PCDHA4: variants seen among roughly 807,000 people sequenced by gnomAD.
The protein encoded by PCDHA4 is protocadherin alpha 4.
PCDHA4 carries 49 observed loss-of-function variants against 61.4 expected under a neutral mutation model. The ratio of observed to expected loss-of-function variants is 0.80; its 90% CI spans 0.63 to 1.01. The LOEUF (loss-of-function observed/expected upper bound fraction) is 1.01, where lower values mean the gene tolerates loss of function less well. Among genes scored for constraint, PCDHA4 ranks in the 50% least tolerant of loss-of-function variants. PCDHA4 has a pLI of 0.00. For synonymous variants in PCDHA4, 590 were observed against 550.3 expected (o/e 1.07, Z -1.01); for missense variants, 1,254 against 1,235.8 (o/e 1.01, Z -0.22).
In PCDHA4 at chr5:140,876,419, A is replaced by G. The variant is rs2056334313; in HGVS notation, c.2385+66847A>G. On this transcript the variant is annotated intron_variant, in intron 1 of 3. Coordinates refer to ENST00000530339, the MANE Select transcript of PCDHA4 (RefSeq NM_018907.4). Reference sequence around the variant, plus strand: ...CTGGATTTTGAAGAGAATAATGCCTATGAAATTCAGGTTAACGCCATTGAT... The same window carrying G: ...CTGGATTTTGAAGAGAATAATGCCTGTGAAATTCAGGTTAACGCCATTGAT... 2.5e-6 allele frequency: 4 copies of G among 1,613,984 alleles called. No homozygotes were observed. In the East Asian group the frequency reaches 6.7e-5, roughly 27 times the overall value.
At chr5:140,893,488 C>G (rs2064010316) in intron 1 of PCDHA4, among the ~76,000 whole-genome samples, 1 of 151,368 alleles carries the variant, frequency 6.6e-6, no homozygotes, top group Non-Finnish European at 1.5e-5. Flanking sequence ...CCCTGTTCTT[C>G]ACAAAAAAGA....
At chr5:140,960,063 T>G (rs1461377026) in intron 1 of PCDHA4, among the ~76,000 whole-genome samples, 1 of 152,232 alleles carries the variant, frequency 6.6e-6, no homozygotes, top group Non-Finnish European at 1.5e-5. Flanking sequence ...GTACAGAAGA[T>G]TCAATTGAAG....
At chr5:140,846,453 C>G (rs1465090766) in intron 1 of PCDHA4, among the ~76,000 whole-genome samples, 2 of 138,248 alleles carry the variant, frequency 1.4e-5, no homozygotes, top group Non-Finnish European at 3.1e-5. Flanking sequence ...CGGCTCACTG[C>G]AACCTCTGCC....
rs1192549493 is a variant in PCDHA4, at chr5:140,824,420, T to A, written c.2385+14848T>A. ...AATAATTGTAAGACATAGTTTGGAG[T>A]CATTCTCAAAGTTTCAGTTTATGAC... On this transcript the variant is annotated intron_variant, in intron 1 of 3. Transcript: ENST00000530339. The A allele has an allele frequency of 2.3e-5, 12 of 510,878 alleles. No individual in the cohort carries two copies. The South Asian group carries it at 3.4e-4, about 14-fold the overall frequency. The allele number at this position is 510,878 out of a possible 1,614,324, so 31.6% of individuals were successfully genotyped here.
intron 1 of PCDHA4, among the ~76,000 whole-genome samples, chr5:140,846,373 C>CTTTTTTTTTTTTTTTTT (rs374699051): frequency 1.8e-5 from 1 of 55,150 alleles, no homozygotes. Flanking sequence ...TTCTTTCTTT[C>CTTTTTTTTTTTTTTTTT]TTTTTTTTTT....
chr5:140,924,132 T>C (rs1417924703), intron 1 of PCDHA4, among the ~76,000 whole-genome samples: 1 of 152,246 alleles, frequency 6.6e-6, no homozygotes, highest in East Asian at 1.9e-4. Flanking sequence ...TTAGCAGCAT[T>C]AATTTAAAAT....
intron 1 of PCDHA4, among the ~76,000 whole-genome samples, chr5:140,872,191 T>A (rs1168972133): frequency 1.3e-5 from 2 of 152,162 alleles, no homozygotes; most frequent in Non-Finnish European, 1.5e-5. Flanking sequence ...GTGTTAAACG[T>A]TCATCATAAA....
chr5:140,848,437 A>G lies in PCDHA4; in HGVS notation c.2385+38865A>G. ...AGCAGAATGGGACTGACGAAATCAGATGATTTCTTCTAATTTGGAGGCAAT... is the reference window on the plus strand; with the variant it reads ...AGCAGAATGGGACTGACGAAATCAGGTGATTTCTTCTAATTTGGAGGCAAT... On this transcript the variant is annotated intron_variant, in intron 1 of 3. Transcript: ENST00000530339. 4 of 1,473,718 alleles carry G rather than the reference A, an allele frequency of 2.7e-6. 1 individual carries two copies. Among genetic ancestry groups the G allele is most frequent in the Admixed American group, 1.9e-5 (1 of 52,040 alleles). 91.3% of individuals were successfully genotyped at this position (1,473,718 alleles called of 1,614,324 possible). A position where few individuals can be genotyped will look rare whatever the true frequency, so the allele number is the denominator to read the frequency against.
chr5:140,822,453 G>A, intron 1 of PCDHA4: 1 of 1,613,866 alleles, frequency 6.2e-7, no homozygotes, highest in South Asian at 1.1e-5. Flanking sequence ...GTACAGTTCA[G>A]TTGTTGATCA....
chr5:140,856,105 C>T (rs1287720041), intron 1 of PCDHA4: 2 of 1,598,000 alleles, frequency 1.3e-6, no homozygotes, highest in Non-Finnish European at 1.7e-6. Flanking sequence ...CGCTTCTTCT[C>T]CTCGCAGCCT....
intron 1 of PCDHA4, among the ~76,000 whole-genome samples, chr5:140,975,395 C>T (rs2096665697): frequency 6.6e-6 from 1 of 152,246 alleles, no homozygotes; most frequent in Admixed American, 6.5e-5. Flanking sequence ...AGATCCATCA[C>T]AATCACAGTC....
chr5:140,946,631 T>TACAC (rs374022482), intron 1 of PCDHA4, among the ~76,000 whole-genome samples: 1 of 131,846 alleles, frequency 7.6e-6, no homozygotes, highest in Non-Finnish European at 1.5e-5. Flanking sequence ...TATATATATA[T>TACAC]ACAATGGAAT....
At chr5:140,865,309 T>C (rs1554159355) in intron 1 of PCDHA4, 1 of 152,176 alleles carries the variant, frequency 6.6e-6, no homozygotes, top group Non-Finnish European at 1.5e-5. Flanking sequence ...TAATTACAAA[T>C]GAGATGGCCT....
intron 1 of PCDHA4, chr5:140,811,094 C>T (rs914277897): frequency 1.3e-5 from 2 of 152,078 alleles, no homozygotes; most frequent in Non-Finnish European, 2.9e-5. Flanking sequence ...GTGCCATGTT[C>T]GTTTGCTGCA....
At chr5:140,849,962 G>A in intron 1 of PCDHA4, 1 of 1,597,888 alleles carries the variant, frequency 6.3e-7, no homozygotes, top group Admixed American at 1.7e-5. Context: ...AGAACGCCCT[G>A]GTGTCCTACT....
intron 1 of PCDHA4, chr5:140,876,435 C>T: frequency 6.2e-7 from 1 of 1,613,970 alleles, no homozygotes; most frequent in South Asian, 1.1e-5. Context: ...TTCAGGTTAA[C>T]GCCATTGATA....
At chr5:140,925,382 C>A (rs2082461008) in intron 1 of PCDHA4, among the ~76,000 whole-genome samples, 1 of 152,078 alleles carries the variant, frequency 6.6e-6, no homozygotes, top group Non-Finnish European at 1.5e-5. Flanking sequence ...GTCAATGAGT[C>A]TCCTTTTGGC....
At chr5:140,844,640 A>G (rs1166364249) in intron 1 of PCDHA4, among the ~76,000 whole-genome samples, 4 of 149,532 alleles carry the variant, frequency 2.7e-5, no homozygotes, top group Non-Finnish European at 4.5e-5. Flanking sequence ...ATACATGATA[A>G]TTTCATTCTT....
intron 1 of PCDHA4, chr5:140,850,209 G>A (rs2150473302): frequency 1.9e-6 from 3 of 1,593,574 alleles, no homozygotes; most frequent in African/African-American, 2.7e-5. Context: ...TCGGATGAGG[G>A]GCACTGACGG....
Sources: allele counts gnomAD v4.1 joint callset (sites outside exome capture counted in the v4.1 genomes callset), GRCh38; gene constraint gnomAD v4.1.1; transcripts MANE v1.5; gene names NCBI Gene and HGNC (gene_info 2026-07-23, HGNC 2026-07-21).